KCNN2: variants seen among roughly 807,000 people sequenced by gnomAD.
KCNN2 encodes the protein potassium calcium-activated channel subfamily N member 2, also known as small conductance calcium-activated potassium channel protein 2.
KCNN2 carries 24 observed loss-of-function variants against 55.5 expected under a neutral mutation model. That is an observed-to-expected ratio of 0.43 (90% CI 0.31 to 0.61). The LOEUF (loss-of-function observed/expected upper bound fraction) is 0.61, where lower values mean the gene tolerates loss of function less well. KCNN2 is among the 20% of genes least tolerant of loss of function. The pLI, the probability that KCNN2 is intolerant of heterozygous loss-of-function variation, is 0.08. For synonymous variants in KCNN2, 431 were observed against 336.1 expected (o/e 1.28, Z -3.09); for missense variants, 754 against 853.6 (o/e 0.88, Z 1.45).
chr5:114,255,526 C>A (rs974779828), intron 2 of KCNN2, among the ~76,000 whole-genome samples: 1 of 152,038 alleles, frequency 6.6e-6, no homozygotes, highest in Non-Finnish European at 1.5e-5. Context: ...GAGATGAAAG[C>A]CTGGGAGGTA....
At chr5:114,411,330 C>T (rs1759124404) in intron 3 of KCNN2, among the ~76,000 whole-genome samples, 1 of 152,002 alleles carries the variant, frequency 6.6e-6, no homozygotes, top group African/African-American at 2.4e-5. Context: ...GTTAGAGAAG[C>T]ACAACCAAGA....
At chr5:114,197,014 A>C (rs1436640952) in intron 1 of KCNN2, among the ~76,000 whole-genome samples, 1 of 152,126 alleles carries the variant, frequency 6.6e-6, no homozygotes, top group African/African-American at 2.4e-5. Context: ...ACTTAGCTGT[A>C]CCCCATAGTT....
At chr5:114,282,591 A>T (rs1262896595) in intron 2 of KCNN2, among the ~76,000 whole-genome samples, 1 of 152,106 alleles carries the variant, frequency 6.6e-6, no homozygotes, top group Non-Finnish European at 1.5e-5. Flanking sequence ...CGTGAGATTT[A>T]TGTGCATCTG....
intron 2 of KCNN2, among the ~76,000 whole-genome samples, chr5:114,285,201 G>A (rs1025648471): frequency 1.4e-5 from 2 of 146,666 alleles, no homozygotes; most frequent in Non-Finnish European, 3.0e-5. Flanking sequence ...GGAAAATGGT[G>A]TGAACCCAGG....
At chr5:114,323,991 A>T (rs1049994595) in intron 2 of KCNN2, among the ~76,000 whole-genome samples, 1 of 152,130 alleles carries the variant, frequency 6.6e-6, no homozygotes, top group African/African-American at 2.4e-5. Context: ...GTGTTCTATA[A>T]GGTCCTATAA....
chr5:114,473,277 T>C (rs1421372623), intron 5 of KCNN2, 113 bp downstream of exon 5: 3 of 720,756 alleles, frequency 4.2e-6, no homozygotes, highest in Admixed American at 4.4e-5. Context: ...TTTGAAAGTA[T>C]AGGCATTCTT....
intron 1 of KCNN2, among the ~76,000 whole-genome samples, chr5:114,100,878 A>C (rs1484164009): frequency 2.0e-5 from 3 of 152,080 alleles, no homozygotes; most frequent in African/African-American, 7.2e-5. Context: ...AGTGGATTAT[A>C]AAACATTTAG....
intron 5 of KCNN2, among the ~76,000 whole-genome samples, chr5:114,483,719 G>GTGTC (rs1762332815): frequency 1.4e-5 from 2 of 141,736 alleles, no homozygotes; most frequent in South Asian, 4.2e-4. Flanking sequence ...TCAACTGTGT[G>GTGTC]TGTGTGTGTG....
chr5:114,412,431 A>C (rs957966123), intron 3 of KCNN2, among the ~76,000 whole-genome samples: 1 of 102,694 alleles, frequency 9.7e-6, no homozygotes, highest in African/African-American at 6.5e-5. Context: ...TATGTGATCA[A>C]CTCTGTATCT....
chr5:114,087,444 A>C (rs1751040085), intron 1 of KCNN2, among the ~76,000 whole-genome samples: 5 of 152,042 alleles, frequency 3.3e-5, no homozygotes. Context: ...ATCATGAGTT[A>C]ATTTTTGTAT....
At chr5:114,433,883 T>A (rs1344564948) in intron 3 of KCNN2, 1 of 157,254 alleles carries the variant, frequency 6.4e-6, no homozygotes, top group African/African-American at 2.4e-5. Flanking sequence ...GTCCGGGGCT[T>A]CGTTCTTGAA....
chr5:114,415,425 G>A (rs978480501), intron 3 of KCNN2, among the ~76,000 whole-genome samples: 6 of 151,404 alleles, frequency 4.0e-5, no homozygotes, highest in African/African-American at 7.4e-5. Context: ...AGTTGTGTGC[G>A]TGTGTGTGTG....
intron 6 of KCNN2, chr5:114,493,201 A>T (rs1240213083): frequency 1.5e-6 from 1 of 659,872 alleles, no homozygotes; most frequent in South Asian, 1.6e-5. Flanking sequence ...TCTTGCTCTC[A>T]CTCTCTCCTT....
intron 1 of KCNN2, among the ~76,000 whole-genome samples, chr5:114,099,377 C>G (rs76195611): frequency 0.07 from 10,699 of 152,166 alleles, 451 homozygotes; most frequent in African/African-American, 0.12. Flanking sequence ...TCATTTTGCA[C>G]ATAAGAAAAC....
chr5:114,156,822 G>A (rs1440802946), intron 1 of KCNN2, among the ~76,000 whole-genome samples: 2 of 151,880 alleles, frequency 1.3e-5, no homozygotes, highest in South Asian at 2.1e-4. Flanking sequence ...ATTAACAAAG[G>A]AATTATCAAT....
At chr5:114,454,490 A>C (rs961376988) in intron 3 of KCNN2, among the ~76,000 whole-genome samples, 4 of 152,218 alleles carry the variant, frequency 2.6e-5, no homozygotes, top group African/African-American at 9.6e-5. Context: ...TTATTAATAC[A>C]TGAATGTCTT....
chr5:114,303,366 G>A (rs1413571570), intron 2 of KCNN2, among the ~76,000 whole-genome samples: 1 of 152,204 alleles, frequency 6.6e-6, no homozygotes, highest in East Asian at 1.9e-4. Context: ...TAGCTGAAGG[G>A]CTGTGATTGG....
intron 7 of KCNN2, among the ~76,000 whole-genome samples, chr5:114,495,412 A>G (rs961500259): frequency 6.6e-6 from 1 of 152,212 alleles, no homozygotes; most frequent in Non-Finnish European, 1.5e-5. Context: ...CTTCATTTAT[A>G]TTCTACCCTC....
At chr5:114,191,801 A>T (rs1173466653) in intron 1 of KCNN2, among the ~76,000 whole-genome samples, 1 of 152,136 alleles carries the variant, frequency 6.6e-6, no homozygotes, top group Non-Finnish European at 1.5e-5. Flanking sequence ...AAAGGCAGAC[A>T]ATGTATTTCC....
Sources: allele counts gnomAD v4.1 joint callset (sites outside exome capture counted in the v4.1 genomes callset), GRCh38; gene constraint gnomAD v4.1.1; transcripts MANE v1.5; gene names NCBI Gene and HGNC (gene_info 2026-07-23, HGNC 2026-07-21).